The following LIPI variants were observed in gnomAD, a reference collection of about 807,000 sequenced individuals.
The protein encoded by LIPI is lipase I.
A neutral mutation model predicts 50.6 loss-of-function variants in LIPI; 59 were observed. The observed-to-expected ratio is 1.16, with a 90% confidence interval of 0.94 to 1.45. LIPI has a LOEUF of 1.45. Among genes scored for constraint, LIPI ranks in the 40% most tolerant of loss-of-function variants. The pLI, the probability that LIPI is intolerant of heterozygous loss-of-function variation, is 0.00. For missense variants in LIPI, 586 were observed against 536.3 expected, an observed-to-expected ratio of 1.09 and a Z score of -0.92; for synonymous variants, 203 against 178.2, an observed-to-expected ratio of 1.14 and a Z score of -1.11.
At chr21:14,196,451 T>A (rs2019857525) in intron 1 of LIPI, among the ~76,000 whole-genome samples, 1 of 152,156 alleles carries the variant, frequency 6.6e-6, no homozygotes. Context: ...AACTAACTTT[T>A]AAGGGTGCAG....
At chr21:14,179,373 T>C (rs1328848780) in intron 4 of LIPI, among the ~76,000 whole-genome samples, 1 of 152,146 alleles carries the variant, frequency 6.6e-6, no homozygotes, top group Non-Finnish European at 1.5e-5. Context: ...GTGTTTCTTA[T>C]TTGTGATAGT....
chr21:14,184,037 A>T (rs1373601426), intron 3 of LIPI, among the ~76,000 whole-genome samples: 3 of 152,140 alleles, frequency 2.0e-5, no homozygotes, highest in African/African-American at 4.8e-5. Flanking sequence ...GTATGTTTAT[A>T]GCGGCACTAT....
intron 9 of LIPI, among the ~76,000 whole-genome samples, chr21:14,135,320 G>A (rs759388195): frequency 1.3e-5 from 2 of 151,900 alleles, no homozygotes; most frequent in East Asian, 1.9e-4. Flanking sequence ...GTATCTACAC[G>A]GAAAAAAACA....
intron 9 of LIPI, among the ~76,000 whole-genome samples, chr21:14,131,564 T>C (rs777620444): frequency 1.3e-5 from 2 of 151,956 alleles, no homozygotes; most frequent in Non-Finnish European, 2.9e-5. Context: ...AGGAAAAAAT[T>C]CTCCCCTATA....
At chr21:14,169,390 C>T (rs1455615987) in intron 4 of LIPI, among the ~76,000 whole-genome samples, 2 of 152,102 alleles carry the variant, frequency 1.3e-5, no homozygotes, top group Admixed American at 6.5e-5. Flanking sequence ...AACTCTCCAC[C>T]CCAAATCAAC....
rs189127942 is a variant in LIPI, at chr21:14,149,634, G to T, written c.1118+2939C>A. Reference sequence around the variant, plus strand: ...TTAGTTACTTCCTAGATACAATGGGGGTACAAGCATTGGGTAAATACACCC... The same window carrying T: ...TTAGTTACTTCCTAGATACAATGGGTGTACAAGCATTGGGTAAATACACCC... On this transcript the variant is annotated intron_variant, in intron 8 of 9. Coordinates refer to ENST00000681601, the MANE Select transcript of LIPI (RefSeq NM_001302998.2). Among the ~76,000 whole-genome samples, 12 of 152,232 alleles carry T rather than the reference G, an allele frequency of 7.9e-5. No individual in the cohort carries two copies. In the East Asian group the frequency reaches 2.3e-3, roughly 29 times the overall value.
chr21:14,122,407 A>G (rs2016898006), intron 9 of LIPI, among the ~76,000 whole-genome samples: 1 of 152,232 alleles, frequency 6.6e-6, no homozygotes, highest in African/African-American at 2.4e-5. Context: ...CACATATGCC[A>G]ATCCTAATAA....
Position 14,108,954 on chromosome 21 carries a change from T to A in LIPI, c.*39A>T, listed in dbSNP as rs1260112735. 1 of 1,609,416 alleles carries A rather than the reference T, an allele frequency of 6.2e-7. No individual in the cohort carries two copies. The highest frequency in any genetic ancestry group is 8.5e-7 in the Non-Finnish European group (1 of 1,176,626). The stretch of plus-strand genomic sequence containing the variant: ...TTGCATTGTTTCATTTACAAGTCCA[T>A]TAATTCACAAGCAAGTGCATTTGAT... On this transcript the variant is annotated 3_prime_UTR_variant, in exon 10 of 10. Coordinates refer to ENST00000681601, the MANE Select transcript of LIPI (RefSeq NM_001302998.2).
At chr21:14,167,024 G>C (rs1258259059) in intron 4 of LIPI, among the ~76,000 whole-genome samples, 1 of 152,234 alleles carries the variant, frequency 6.6e-6, no homozygotes, top group East Asian at 1.9e-4. Flanking sequence ...CTGCGCTTCT[G>C]CGATGGGCTT....
At chr21:14,120,196 A>G (rs1190420180) in intron 9 of LIPI, among the ~76,000 whole-genome samples, 1 of 152,202 alleles carries the variant, frequency 6.6e-6, no homozygotes, top group Non-Finnish European at 1.5e-5. Context: ...TGAATATTTT[A>G]CTGATGGAAG....
chr21:14,118,466 GCCAAACTGC>G (rs576434601), intron 9 of LIPI, among the ~76,000 whole-genome samples: 22 of 152,114 alleles, frequency 1.4e-4, no homozygotes, highest in Non-Finnish European at 3.1e-4. Flanking sequence ...TCTTATATTT[GCCAAACTGC>G]CCAGTGCCAC....
At chr21:14,117,574 G>A (rs1412127168) in intron 9 of LIPI, among the ~76,000 whole-genome samples, 1 of 152,144 alleles carries the variant, frequency 6.6e-6, no homozygotes, top group African/African-American at 2.4e-5. Flanking sequence ...AGGGAAAAAG[G>A]CAACAAACAC....
intron 8 of LIPI, among the ~76,000 whole-genome samples, chr21:14,145,340 T>A (rs1418453013): frequency 6.6e-6 from 1 of 152,192 alleles, no homozygotes; most frequent in African/African-American, 2.4e-5. Context: ...TTAGGTACTA[T>A]GAGTATTACC....
intron 4 of LIPI, among the ~76,000 whole-genome samples, chr21:14,167,026 G>A (rs563938122): frequency 8.7e-4 from 132 of 152,338 alleles, no homozygotes; most frequent in African/African-American, 2.9e-3. Flanking sequence ...GCGCTTCTGC[G>A]ATGGGCTTAA....
intron 9 of LIPI, among the ~76,000 whole-genome samples, chr21:14,125,776 T>G (rs2017038585): frequency 6.6e-6 from 1 of 152,056 alleles, no homozygotes; most frequent in African/African-American, 2.4e-5. Context: ...GCCAGGATGG[T>G]CTCCATCTGA....
At chr21:14,200,264 T>C (rs1414291171) in intron 1 of LIPI, among the ~76,000 whole-genome samples, 1 of 151,788 alleles carries the variant, frequency 6.6e-6, no homozygotes, top group Admixed American at 6.6e-5. Flanking sequence ...TCAGGCAAGA[T>C]TTGAAAGAAA....
At chr21:14,149,548 A>C (rs945934821) in intron 8 of LIPI, among the ~76,000 whole-genome samples, 1 of 152,166 alleles carries the variant, frequency 6.6e-6, no homozygotes, top group Non-Finnish European at 1.5e-5. Context: ...TCCAAGTCCA[A>C]AGTCTCATTT....
At chr21:14,141,892 T>TGATA (rs1458433283) in intron 9 of LIPI, among the ~76,000 whole-genome samples, 2 of 152,236 alleles carry the variant, frequency 1.3e-5, no homozygotes, top group African/African-American at 4.8e-5. Flanking sequence ...CTTGTATTTA[T>TGATA]GATACCACAG....
At chr21:14,195,172 C>G (rs2019802503) in intron 1 of LIPI, among the ~76,000 whole-genome samples, 1 of 152,068 alleles carries the variant, frequency 6.6e-6, no homozygotes, top group East Asian at 1.9e-4. Context: ...GGCAAAGTGT[C>G]AGAGAGGAAG....
Sources: allele counts gnomAD v4.1 joint callset (sites outside exome capture counted in the v4.1 genomes callset), GRCh38; gene constraint gnomAD v4.1.1; transcripts MANE v1.5; gene names NCBI Gene and HGNC (gene_info 2026-07-23, HGNC 2026-07-21).